Variants in KIRREL3 observed in about 807,000 individuals in gnomAD.
KIRREL3 encodes the protein kin of IRRE-like protein 3.
In KIRREL3, 36 loss-of-function variants were observed where a neutral mutation model predicts 89.7. That is an observed-to-expected ratio of 0.40 (90% CI 0.31 to 0.53). The LOEUF (loss-of-function observed/expected upper bound fraction) is 0.53. Ranked by LOEUF, KIRREL3 falls within the 20% of genes least tolerant of loss-of-function variation. KIRREL3 has a pLI of 0.49. For synonymous variants in KIRREL3, 445 were observed against 441.4 expected, an observed-to-expected ratio of 1.01 and a Z score of -0.10; for missense variants, 864 against 1,056.6, an observed-to-expected ratio of 0.82 and a Z score of 2.53.
chr11:126,448,832 G>C (rs919042783), intron 8 of KIRREL3, among the ~76,000 whole-genome samples, 177 bp downstream of exon 8: 1 of 152,194 alleles, frequency 6.6e-6, no homozygotes, highest in African/African-American at 2.4e-5. Flanking sequence ...TCATGATAGG[G>C]ATTGAAATAA....
intron 11 of KIRREL3, chr11:126,440,054 G>A (rs1955501233): frequency 2.6e-6 from 1 of 392,020 alleles, no homozygotes; most frequent in African/African-American, 2.1e-5. Context: ...GAGGGCTCCA[G>A]GAGGCACAGA....
chr11:126,973,265 A>G (rs1166337511), intron 1 of KIRREL3, among the ~76,000 whole-genome samples: 3 of 152,230 alleles, frequency 2.0e-5, no homozygotes, highest in African/African-American at 7.2e-5. Context: ...CCAAGATTAC[A>G]GTCCCATATT....
Position 126,574,117 on chromosome 11 carries a change from T to C in KIRREL3, c.56-11205A>G, listed in dbSNP as rs891018872. Among the ~76,000 whole-genome samples, 6 of 152,242 alleles carry C rather than the reference T, an allele frequency of 3.9e-5. No individual in the cohort carries two copies. The highest frequency in any genetic ancestry group is 2.0e-4 in the Admixed American group (3 of 15,284). On this transcript the variant is annotated intron_variant, in intron 1 of 16. Transcript: ENST00000525144. This position sits in a 1 kb window ranked among gnomAD's most constrained non-coding sequence, Gnocchi z 5.3. ...TGGAAACCAGGTTAACTGAGTATTA[T>C]TGGCAACTAACACACCTGCAGAGCT...
At position 126,571,211 on chromosome 11, in the gene KIRREL3, T is replaced by A. The variant is rs751493781; in HGVS notation, c.56-8299A>T. On this transcript the variant is annotated intron_variant, in intron 1 of 16. Coordinates refer to ENST00000525144, the MANE Select transcript of KIRREL3 (RefSeq NM_032531.4). This position sits in a 1 kb window ranked among gnomAD's most constrained non-coding sequence, Gnocchi z 7.7. ...CCTTGCCTAGCTCTTATCATCTTTC[T>A]CTCCTTGGAGGGCTGGGTTCCTCCC... Among the ~76,000 whole-genome samples the A allele has an allele frequency of 2.6e-5, 4 of 152,190 alleles. No homozygotes were observed. The highest frequency in any genetic ancestry group is 5.9e-5 in the Non-Finnish European group (4 of 68,046).
At chr11:126,469,345 T>C (rs995013168) in intron 5 of KIRREL3, among the ~76,000 whole-genome samples, 1 of 152,164 alleles carries the variant, frequency 6.6e-6, no homozygotes, top group African/African-American at 2.4e-5. Flanking sequence ...CAGCTTCTCT[T>C]CCTCTCTGCG....
chr11:126,718,104 A>C (rs550835629), intron 1 of KIRREL3, among the ~76,000 whole-genome samples: 1 of 152,298 alleles, frequency 6.6e-6, no homozygotes, highest in South Asian at 2.1e-4. Flanking sequence ...GCAAGGTAGC[A>C]TCACCGGAAT....
In KIRREL3 at chr11:126,782,637, G is replaced by A. The variant is rs763554729; in HGVS notation, c.55+217818C>T. Among the ~76,000 whole-genome samples, 3 of 152,220 alleles carry A rather than the reference G, an allele frequency of 2.0e-5. No individual in the cohort carries two copies. The highest frequency in any genetic ancestry group is 6.5e-5 in the Admixed American group (1 of 15,282). On this transcript the variant is annotated intron_variant, in intron 1 of 16. Coordinates refer to ENST00000525144, the MANE Select transcript of KIRREL3 (RefSeq NM_032531.4). The surrounding 1 kb of genome is among the most constrained non-coding windows in gnomAD (Gnocchi z 4.1). ...GATGGTGGGAGCCAGGCGTTTCACT[G>A]TTGGAGTGGGAGGTTACAGATAAGC...
intron 1 of KIRREL3, among the ~76,000 whole-genome samples, chr11:126,882,978 T>A (rs1320503975): frequency 1.3e-5 from 2 of 152,196 alleles, no homozygotes; most frequent in Non-Finnish European, 2.9e-5. Flanking sequence ...ACCCAGTAGC[T>A]CTGCCTGCTG....
chr11:126,767,602 G>A (rs1166307189), intron 1 of KIRREL3, among the ~76,000 whole-genome samples: 1 of 151,870 alleles, frequency 6.6e-6, no homozygotes, highest in Non-Finnish European at 1.5e-5. Flanking sequence ...AATATGTGAA[G>A]CACCTTGCCC....
intron 1 of KIRREL3, among the ~76,000 whole-genome samples, chr11:126,721,462 A>G (rs1379020605): frequency 2.0e-5 from 3 of 151,280 alleles, no homozygotes; most frequent in South Asian, 2.1e-4. Flanking sequence ...CACAGGAGGC[A>G]GAGGTTGTGG....
In KIRREL3 at chr11:126,676,756, T is replaced by C. The variant is rs1946207951; in HGVS notation, c.56-113844A>G. 6.6e-6 allele frequency among the ~76,000 whole-genome samples: 1 copy of C among 151,924 alleles called. No individual in the cohort carries two copies. The highest frequency in any genetic ancestry group is 2.4e-5 in the African/African-American group (1 of 41,340). ...CAACATGTGGTGTTGTTTTTACTAC[T>C]GCAACTTTTTATTTTTCTTTAGAGC... On this transcript the variant is annotated intron_variant, in intron 1 of 16. Transcript: ENST00000525144. The surrounding 1 kb of genome is among the most constrained non-coding windows in gnomAD (Gnocchi z 4.5).
chr11:126,927,872 C>T (rs1947788629), intron 1 of KIRREL3, among the ~76,000 whole-genome samples: 1 of 152,264 alleles, frequency 6.6e-6, no homozygotes, highest in Non-Finnish European at 1.5e-5. Flanking sequence ...AGGTCCTGCA[C>T]ATCCACCTTG....
chr11:126,593,165 C>A (rs1942231208), intron 1 of KIRREL3, among the ~76,000 whole-genome samples: 2 of 152,216 alleles, frequency 1.3e-5, no homozygotes, highest in Admixed American at 6.5e-5. Flanking sequence ...CTGCAGGTCA[C>A]CCCTGTGTGG....
At chr11:126,832,260 G>A (rs1257929184) in intron 1 of KIRREL3, among the ~76,000 whole-genome samples, 1 of 152,068 alleles carries the variant, frequency 6.6e-6, no homozygotes, top group African/African-American at 2.4e-5. Context: ...TGGGTTAAAC[G>A]TGCACACTGA....
rs575046133 is a variant in KIRREL3, at chr11:126,544,294, A to G, written c.134-17607T>C. On this transcript the variant is annotated intron_variant, in intron 2 of 16. Coordinates refer to ENST00000525144, the MANE Select transcript of KIRREL3 (RefSeq NM_032531.4). The surrounding 1 kb of genome is among the most constrained non-coding windows in gnomAD (Gnocchi z 5.6). Reference sequence around the variant, plus strand: ...GGGGCAAATACCATTTAACTGCACAATAACTGCAGGTCCTTGCTGCTTATT... The same window carrying G: ...GGGGCAAATACCATTTAACTGCACAGTAACTGCAGGTCCTTGCTGCTTATT... 6.6e-6 allele frequency: 1 copy of G among 152,382 alleles called. No homozygotes were observed. Among genetic ancestry groups the G allele is most frequent in the African/African-American group, 2.4e-5 (1 of 41,576 alleles). The allele number at this position is 152,382 out of a possible 1,614,324, so 9.4% of individuals were successfully genotyped here. A position where few individuals can be genotyped will look rare whatever the true frequency, so the allele number is the denominator to read the frequency against.
chr11:126,648,457 A>C (rs542554691), intron 1 of KIRREL3, among the ~76,000 whole-genome samples: 18 of 152,040 alleles, frequency 1.2e-4, no homozygotes, highest in Admixed American at 3.3e-4. Context: ...CTTCTTGGGG[A>C]CTGACCATCT....
At chr11:126,803,383 A>G (rs897492348) in intron 1 of KIRREL3, among the ~76,000 whole-genome samples, 18 of 152,202 alleles carry the variant, frequency 1.2e-4, no homozygotes, top group African/African-American at 3.9e-4. Flanking sequence ...TGAGAGGTGC[A>G]TTGGAGAGGT....
chr11:126,861,365 T>C (rs1944698819), intron 1 of KIRREL3, among the ~76,000 whole-genome samples: 1 of 152,062 alleles, frequency 6.6e-6, no homozygotes, highest in South Asian at 2.1e-4. Flanking sequence ...CAGTGGGAAC[T>C]GGGACCACCC....
rs1259175942 is a variant in KIRREL3, at chr11:126,898,863, A to G, written c.55+101592T>C. Among the ~76,000 whole-genome samples the G allele has an allele frequency of 6.6e-6, 1 of 152,168 alleles. No individual in the cohort carries two copies. On this transcript the variant is annotated intron_variant, in intron 1 of 16. Transcript: ENST00000525144. The surrounding 1 kb of genome is among the most constrained non-coding windows in gnomAD (Gnocchi z 4.9). ...ATTTAAAAAATAGCACATAACTTAGAACATGGAATAAATGCCAACTTAAGT... is the reference window on the plus strand; with the variant it reads ...ATTTAAAAAATAGCACATAACTTAGGACATGGAATAAATGCCAACTTAAGT...
Sources: allele counts gnomAD v4.1 joint callset (sites outside exome capture counted in the v4.1 genomes callset), GRCh38; gene constraint gnomAD v4.1.1; non-coding constraint Gnocchi (gnomAD v3.1); transcripts MANE v1.5; gene names NCBI Gene and HGNC (gene_info 2026-07-23, HGNC 2026-07-21).